The following PCDH7 variants were observed in gnomAD, a reference collection of about 807,000 sequenced individuals.
The protein encoded by PCDH7 is protocadherin 7.
In PCDH7, 17 loss-of-function variants were observed where a neutral mutation model predicts 58.9. The observed-to-expected ratio is 0.29, with a 90% CI of 0.20 to 0.43. The LOEUF (loss-of-function observed/expected upper bound fraction) is 0.43. Among genes scored for constraint, PCDH7 ranks in the 20% least tolerant of loss-of-function variants. The pLI, the probability that PCDH7 is intolerant of heterozygous loss-of-function variation, is 1.00. For missense variants in PCDH7, 1,274 were observed against 1,441.0 expected (o/e 0.88, Z 1.88); for synonymous variants, 664 against 616.4 (o/e 1.08, Z -1.14).
intron 1 of PCDH7, among the ~76,000 whole-genome samples, chr4:30,911,320 A>ACCC (rs10718639): frequency 8.6e-6 from 1 of 116,134 alleles, no homozygotes; most frequent in Non-Finnish European, 1.8e-5. Flanking sequence ...AAAAAAAATC[A>ACCC]CCCCCCCCCC....
intron 1 of PCDH7, among the ~76,000 whole-genome samples, chr4:30,743,117 A>ATATAAACTAGCTT (rs1306526357): frequency 1.1e-3 from 172 of 152,276 alleles, no homozygotes; most frequent in African/African-American, 3.7e-3. Context: ...TTTGGGGAAG[A>ATATAAACTAGCTT]TGGTGGGAAA....
intron 1 of PCDH7, among the ~76,000 whole-genome samples, chr4:30,744,914 G>T (rs573466564): frequency 6.6e-6 from 1 of 152,054 alleles, no homozygotes; most frequent in Non-Finnish European, 1.5e-5. Context: ...CTATGATTTT[G>T]ACCAAAACTG....
At chr4:30,790,259 A>G (rs1375667558) in intron 1 of PCDH7, among the ~76,000 whole-genome samples, 1 of 152,162 alleles carries the variant, frequency 6.6e-6, no homozygotes, top group Non-Finnish European at 1.5e-5. Context: ...TTGCTCTCTT[A>G]ATATTCTTGT....
intron 1 of PCDH7, among the ~76,000 whole-genome samples, chr4:30,894,522 C>T (rs1348838940): frequency 0.015 from 768 of 51,388 alleles, 2 homozygotes; most frequent in African/African-American, 0.042. Context: ...TATATACACA[C>T]ACACACACAC....
At chr4:30,787,002 A>G (rs1243750206) in intron 1 of PCDH7, among the ~76,000 whole-genome samples, 1 of 152,114 alleles carries the variant, frequency 6.6e-6, no homozygotes. Flanking sequence ...CAAGTGAAAA[A>G]AATCAAGCTC....
chr4:31,120,260 T>G (rs2109322317), intron 3 of PCDH7, among the ~76,000 whole-genome samples: 1 of 152,110 alleles, frequency 6.6e-6, no homozygotes, highest in Non-Finnish European at 1.5e-5. Flanking sequence ...TTATACATCT[T>G]TCCATTCTTT....
At chr4:30,967,381 C>T (rs929050064) in intron 3 of PCDH7, among the ~76,000 whole-genome samples, 4 of 152,198 alleles carry the variant, frequency 2.6e-5, no homozygotes, top group Middle Eastern at 6.8e-3. Context: ...TATTTAGAAT[C>T]AAGCAATTCT....
chr4:30,990,853 T>C (rs1051912145), intron 3 of PCDH7, among the ~76,000 whole-genome samples: 8 of 152,162 alleles, frequency 5.3e-5, no homozygotes, highest in Admixed American at 1.3e-4. Flanking sequence ...AAATGCAAAC[T>C]TTTTTATAAG....
intron 3 of PCDH7, among the ~76,000 whole-genome samples, chr4:31,056,325 G>T (rs1757160821): frequency 1.3e-5 from 2 of 151,022 alleles, no homozygotes; most frequent in Admixed American, 1.3e-4. Context: ...CCGTAATAGT[G>T]TCACTGCACT....
rs370648622 is a variant in PCDH7, at chr4:30,976,399, C to CTTTT, written c.*7+26200_*7+26203dup. ...AGCCACCACGCCGGGCCATAAAATACTTTTTTTTTTTTTTTTTTTGAGACG... is the reference window on the plus strand; with the variant it reads ...AGCCACCACGCCGGGCCATAAAATACTTTTTTTTTTTTTTTTTTTTTTTGAGACG... On this transcript the variant is annotated intron_variant, in intron 3 of 3. Coordinates refer to the PCDH7 transcript ENST00000509759. Among the ~76,000 whole-genome samples the CTTTT allele has an allele frequency of 6.9e-4, 78 of 113,508 alleles. 3 individuals are homozygous for CTTTT. The highest frequency in any genetic ancestry group is 2.2e-3 in the African/African-American group (60 of 27,442). 74.5% of individuals were successfully genotyped at this position (113,508 alleles called of 152,430 possible).
chr4:30,884,963 A>T (rs1737505998), intron 1 of PCDH7: 1 of 152,136 alleles, frequency 6.6e-6, no homozygotes, highest in African/African-American at 2.4e-5. Flanking sequence ...GGGTTATTAG[A>T]TCCTGTTTCA....
chr4:30,880,505 A>G (rs1002255141), intron 1 of PCDH7, among the ~76,000 whole-genome samples: 1 of 152,126 alleles, frequency 6.6e-6, no homozygotes, highest in Non-Finnish European at 1.5e-5. Flanking sequence ...CAATATAAAC[A>G]CCTCTGCACT....
chr4:30,847,677 A>G lies in PCDH7; in HGVS notation c.71-72476A>G, dbSNP rs1220885595. On this transcript the variant is annotated intron_variant, in intron 1 of 3. Coordinates refer to the PCDH7 transcript ENST00000509759. ...TTTTTAGTTGACTTTTGCTGAAATC[A>G]TAATTTTAAGTTAATTTTATAGTGG... 2.0e-5 allele frequency among the ~76,000 whole-genome samples: 3 copies of G among 152,188 alleles called. No homozygotes were observed. The East Asian group carries it at 5.8e-4, about 29-fold the overall frequency.
chr4:30,966,109 A>G (rs539954525), intron 3 of PCDH7, among the ~76,000 whole-genome samples: 6 of 152,304 alleles, frequency 3.9e-5, no homozygotes, highest in Admixed American at 1.3e-4. Context: ...GGCTGCTTAA[A>G]TCAAAGGATT....
At chr4:30,840,582 A>T (rs944281076) in intron 1 of PCDH7, among the ~76,000 whole-genome samples, 3 of 152,190 alleles carry the variant, frequency 2.0e-5, no homozygotes, top group African/African-American at 7.2e-5. Context: ...TATAGAAACA[A>T]TAATGAGAAA....
At chr4:31,007,936 T>A (rs1258771569) in intron 3 of PCDH7, among the ~76,000 whole-genome samples, 1 of 152,230 alleles carries the variant, frequency 6.6e-6, no homozygotes, top group African/African-American at 2.4e-5. Flanking sequence ...TGAAATCTCA[T>A]TGTAAAATAA....
chr4:30,734,120 A>G (rs1316762575), downstream of PCDH7, among the ~76,000 whole-genome samples: 4 of 151,998 alleles, frequency 2.6e-5, no homozygotes, highest in African/African-American at 4.8e-5. Context: ...GCAATTCCAC[A>G]GTTGGAAATA....
intron 1 of PCDH7, among the ~76,000 whole-genome samples, chr4:30,821,840 A>G (rs886782374): frequency 4.6e-5 from 7 of 152,168 alleles, no homozygotes; most frequent in Non-Finnish European, 8.8e-5. Flanking sequence ...GTTTCTAGGA[A>G]TATTCAGTTG....
At chr4:31,011,479 T>C (rs73214971) in intron 3 of PCDH7, among the ~76,000 whole-genome samples, 5,592 of 152,056 alleles carry the variant, frequency 0.037, 96 homozygotes, top group Middle Eastern at 0.068. Flanking sequence ...ATTTCTAGCT[T>C]TTAGAACCAT....
Sources: gnomAD v4.1 joint callset for allele counts (sites outside exome capture counted in the v4.1 genomes callset) on GRCh38, gnomAD v4.1.1 for gene constraint, MANE v1.5 for transcripts, NCBI Gene and HGNC (gene_info 2026-07-23, HGNC 2026-07-21) for gene names.